KCNIP4: variants seen among roughly 807,000 people sequenced by gnomAD.
KCNIP4 encodes the protein potassium voltage-gated channel interacting protein 4, also known as Kv channel-interacting protein 4.
Under a neutral mutation model 34.0 loss-of-function variants are expected in KCNIP4, and 12 were observed. That is an observed-to-expected ratio of 0.35 (90% CI 0.23 to 0.57). The LOEUF is 0.57. Ranked by LOEUF, KCNIP4 falls within the 20% of genes least tolerant of loss-of-function variation. The pLI is 0.83. For missense variants in KCNIP4, 238 were observed against 311.7 expected, an observed-to-expected ratio of 0.76 and a Z score of 1.78; for synonymous variants, 124 against 102.2, an observed-to-expected ratio of 1.21 and a Z score of -1.29.
chr4:20,805,181 G>A (rs963967986), intron 3 of KCNIP4, among the ~76,000 whole-genome samples: 1 of 124,498 alleles, frequency 8.0e-6, no homozygotes, highest in Non-Finnish European at 1.6e-5. Context: ...TATCATAGAT[G>A]CTTCCTTTTT....
chr4:21,416,643 T>C (rs1724977067), intron 1 of KCNIP4, among the ~76,000 whole-genome samples: 1 of 152,210 alleles, frequency 6.6e-6, no homozygotes, highest in Non-Finnish European at 1.5e-5. Flanking sequence ...CATTTCATTG[T>C]AAGTTCCTCA....
intron 1 of KCNIP4, among the ~76,000 whole-genome samples, chr4:21,928,131 C>CAA (rs1729373905): frequency 9.5e-6 from 1 of 105,804 alleles, no homozygotes; most frequent in South Asian, 4.5e-4. Context: ...TATATATACA[C>CAA]ACACACACAC....
At chr4:21,891,137 C>G (rs1365925099) in intron 1 of KCNIP4, among the ~76,000 whole-genome samples, 3 of 152,010 alleles carry the variant, frequency 2.0e-5, no homozygotes, top group Non-Finnish European at 4.4e-5. Flanking sequence ...AACACTCTTG[C>G]ATTTCTTAGA....
chr4:21,881,949 G>A (rs1437099370), intron 1 of KCNIP4, among the ~76,000 whole-genome samples: 1 of 152,070 alleles, frequency 6.6e-6, no homozygotes, highest in Non-Finnish European at 1.5e-5. Flanking sequence ...TATTAAGACG[G>A]GAAAAGATAC....
intron 1 of KCNIP4, among the ~76,000 whole-genome samples, chr4:21,121,430 T>C (rs1180124898): frequency 1.3e-5 from 2 of 152,254 alleles, no homozygotes; most frequent in Non-Finnish European, 2.9e-5. Context: ...AATTATTTGA[T>C]GGTGAGTAAT....
chr4:21,772,448 C>A (rs1021620065), intron 1 of KCNIP4, among the ~76,000 whole-genome samples: 2 of 152,006 alleles, frequency 1.3e-5, no homozygotes, highest in African/African-American at 4.8e-5. Flanking sequence ...TATAATGAGT[C>A]AGGGAGGAGT....
rs189106324 is a variant in KCNIP4, at chr4:21,652,204, C to A, written c.61+296367G>T. Among the ~76,000 whole-genome samples the A allele has an allele frequency of 9.2e-5, 14 of 152,262 alleles. No homozygotes were observed. In the East Asian group the frequency reaches 2.7e-3, roughly 29 times the overall value. Reference sequence around the variant, plus strand: ...TATGCTGGCTTGACTATCACACCAGCCTTAACAGTAAATCATCCTTGTAGT... The same window carrying A: ...TATGCTGGCTTGACTATCACACCAGACTTAACAGTAAATCATCCTTGTAGT... On this transcript the variant is annotated intron_variant, in intron 1 of 8. Transcript: ENST00000382152.
intron 3 of KCNIP4, among the ~76,000 whole-genome samples, chr4:20,787,633 C>G (rs867014173): frequency 6.6e-6 from 1 of 152,064 alleles, no homozygotes; most frequent in African/African-American, 2.4e-5. Flanking sequence ...ATTTGCTCCT[C>G]AAATTCTAAT....
intron 2 of KCNIP4, among the ~76,000 whole-genome samples, chr4:20,858,726 G>T (rs1721889549): frequency 6.6e-6 from 1 of 152,204 alleles, no homozygotes; most frequent in South Asian, 2.1e-4. Flanking sequence ...TGCTGGGAAT[G>T]TTAATAGCAA....
intron 1 of KCNIP4, among the ~76,000 whole-genome samples, chr4:21,491,614 C>T (rs1009683500): frequency 6.6e-6 from 1 of 152,120 alleles, no homozygotes; most frequent in Non-Finnish European, 1.5e-5. Flanking sequence ...CTCAAGCAAT[C>T]CTCCTGCCTT....
intron 1 of KCNIP4, among the ~76,000 whole-genome samples, chr4:21,936,729 C>A (rs1032793846): frequency 3.3e-5 from 5 of 152,096 alleles, no homozygotes; most frequent in Admixed American, 6.5e-5. Flanking sequence ...TTATCCTTAG[C>A]CACCAATCCT....
intron 1 of KCNIP4, among the ~76,000 whole-genome samples, chr4:21,884,647 G>A (rs1419338064): frequency 1.3e-5 from 2 of 152,224 alleles, no homozygotes; most frequent in Middle Eastern, 6.8e-3. Flanking sequence ...GAGGGATGGA[G>A]AGAATCCATT....
chr4:20,731,241 A>AT (rs1015903396), intron 8 of KCNIP4: 370 of 284,928 alleles, frequency 1.3e-3, no homozygotes, highest in Non-Finnish European at 1.7e-3. Flanking sequence ...AGCTAACTTA[A>AT]TTTTTTTTTG....
rs570747808 is a variant in KCNIP4 at position 21,578,463 on chromosome 4, A to G, written c.61+370108T>C. Among the ~76,000 whole-genome samples the G allele has an allele frequency of 6.8e-4, 103 of 151,988 alleles. 1 individual carries two copies. Among genetic ancestry groups the G allele is most frequent in the Middle Eastern group, 6.8e-3 (2 of 294 alleles). On this transcript the variant is annotated intron_variant, in intron 1 of 8. Transcript: ENST00000382152. Reference sequence around the variant, plus strand: ...CTCAGGTAAATATTTGCTTGTTTCCAGACATATGACAAAACATGGGCATTA... The same window carrying G: ...CTCAGGTAAATATTTGCTTGTTTCCGGACATATGACAAAACATGGGCATTA...
At chr4:21,497,657 T>G (rs953421806) in intron 1 of KCNIP4, among the ~76,000 whole-genome samples, 3 of 152,188 alleles carry the variant, frequency 2.0e-5, no homozygotes, top group Non-Finnish European at 4.4e-5. Context: ...AGGAAGAGTA[T>G]GTCTCAAACT....
At chr4:21,802,224 T>C (rs1334123513) in intron 1 of KCNIP4, among the ~76,000 whole-genome samples, 3 of 152,122 alleles carry the variant, frequency 2.0e-5, no homozygotes, top group Non-Finnish European at 4.4e-5. Flanking sequence ...CATTTCAGTT[T>C]TTAGTGTTTT....
chr4:20,764,646 G>A (rs1755229107), intron 3 of KCNIP4, among the ~76,000 whole-genome samples: 1 of 150,692 alleles, frequency 6.6e-6, no homozygotes, highest in South Asian at 2.1e-4. Context: ...GTCTCACACC[G>A]AGAGGAGCTA....
At chr4:21,094,503 G>A (rs1747292053) in intron 1 of KCNIP4, among the ~76,000 whole-genome samples, 1 of 152,144 alleles carries the variant, frequency 6.6e-6, no homozygotes, top group South Asian at 2.1e-4. Flanking sequence ...CAAGAGGAAA[G>A]AAAAGTCAGA....
intron 1 of KCNIP4, among the ~76,000 whole-genome samples, chr4:20,945,088 C>T (rs1319519000): frequency 1.3e-5 from 2 of 152,118 alleles, no homozygotes; most frequent in African/African-American, 2.4e-5. Context: ...CATTTGGTTC[C>T]AATGTCTCAC....
Sources: gnomAD v4.1 joint callset for allele counts (sites outside exome capture counted in the v4.1 genomes callset) on GRCh38, gnomAD v4.1.1 for gene constraint, MANE v1.5 for transcripts, NCBI Gene and HGNC (gene_info 2026-07-23, HGNC 2026-07-21) for gene names.